CNTNAP5: variants seen among roughly 807,000 people sequenced by gnomAD.
CNTNAP5 encodes contactin-associated protein-like 5.
A neutral mutation model predicts 150.2 loss-of-function variants in CNTNAP5; 72 were observed. The ratio of observed to expected loss-of-function variants is 0.48; its 90% CI spans 0.40 to 0.58. The LOEUF (loss-of-function observed/expected upper bound fraction) is 0.58. CNTNAP5 is among the 20% of genes least tolerant of loss of function. The probability of loss-of-function intolerance (pLI) is 0.00; values close to 1 mark genes in which losing one functional copy is unlikely to be tolerated. For synonymous variants in CNTNAP5, 672 were observed against 619.8 expected (o/e 1.08, Z -1.25); for missense variants, 1,636 against 1,626.2 (o/e 1.01, Z -0.10).
At position 124,216,595 on chromosome 2, in the gene CNTNAP5, T is replaced by C. The variant is rs560112443; in HGVS notation, c.83-5110T>C. ...TGATATTCCCCTTCCTTTGTCCATG[T>C]GTTCTCATTGTTCAATTCCCACCTA... On this transcript the variant is annotated intron_variant, in intron 1 of 23. Coordinates refer to ENST00000682447, the MANE Select transcript of CNTNAP5 (RefSeq NM_001367498.1). Among the ~76,000 whole-genome samples the C allele has an allele frequency of 2.5e-4, 38 of 152,262 alleles. No individual in the cohort carries two copies. The East Asian group carries it at 7.0e-3, about 28-fold the overall frequency.
intron 1 of CNTNAP5, among the ~76,000 whole-genome samples, chr2:124,073,847 A>G (rs1225516824): frequency 1.3e-5 from 2 of 152,188 alleles, no homozygotes; most frequent in East Asian, 3.9e-4. Flanking sequence ...TATATACTCA[A>G]AAGAAAGGAA....
In CNTNAP5 at chr2:124,057,448, ATTTT is replaced by A. The variant is rs556571236; in HGVS notation, c.82+31736_82+31739del. 4.8e-4 allele frequency among the ~76,000 whole-genome samples: 30 copies of A among 62,786 alleles called. 2 individuals carry two copies. The South Asian group carries it at 5.2e-3, about 11-fold the overall frequency. 41.2% of individuals were successfully genotyped at this position (62,786 alleles called of 152,430 possible). A position where few individuals can be genotyped will look rare whatever the true frequency, so the allele number is the denominator to read the frequency against. On this transcript the variant is annotated intron_variant, in intron 1 of 23. Transcript: ENST00000682447. ...AGGCACCCACCAGCACGGCCAGCTA[ATTTT>A]TTTTTTTTTTTTTTTTTTTAGTAGA...
intron 1 of CNTNAP5, among the ~76,000 whole-genome samples, chr2:124,155,261 C>T (rs1161613173): frequency 6.6e-6 from 1 of 151,936 alleles, no homozygotes; most frequent in African/African-American, 2.4e-5. Context: ...GCAATAATGC[C>T]CTAACTTGAC....
At position 124,142,553 on chromosome 2, in the gene CNTNAP5, G is replaced by A. The variant is rs1157220168; in HGVS notation, c.83-79152G>A. 2.6e-3 allele frequency among the ~76,000 whole-genome samples: 364 copies of A among 137,378 alleles called. 2 individuals are homozygous for A. The highest frequency in any genetic ancestry group is 9.7e-3 in the African/African-American group (349 of 35,834). The allele number at this position is 137,378 out of a possible 152,430, so 90.1% of individuals were successfully genotyped here. On this transcript the variant is annotated intron_variant, in intron 1 of 23. Transcript: ENST00000682447. ...CCTGAATGACTACTGGATACATAAC[G>A]AAATGAAGGCAGAAATAAAGATGTT...
chr2:124,097,216 G>A (rs1489900793), intron 1 of CNTNAP5, among the ~76,000 whole-genome samples: 1 of 152,092 alleles, frequency 6.6e-6, no homozygotes, highest in African/African-American at 2.4e-5. Context: ...AAAGGTAGAG[G>A]TTACCTGATG....
chr2:124,687,338 C>T (rs1372931247), intron 13 of CNTNAP5, among the ~76,000 whole-genome samples: 1 of 151,930 alleles, frequency 6.6e-6, no homozygotes, highest in Non-Finnish European at 1.5e-5. Flanking sequence ...TTAACAACCA[C>T]CCAATTTATC....
chr2:124,736,029 G>A (rs1468169293), intron 13 of CNTNAP5, among the ~76,000 whole-genome samples: 10 of 152,108 alleles, frequency 6.6e-5, no homozygotes, highest in African/African-American at 2.4e-4. Context: ...TCAGGAGTTC[G>A]ATACCACCCT....
chr2:124,104,437 T>C (rs1037080788), intron 1 of CNTNAP5, among the ~76,000 whole-genome samples: 2 of 152,200 alleles, frequency 1.3e-5, no homozygotes, highest in Non-Finnish European at 2.9e-5. Context: ...ATTAGATAGA[T>C]AGAGCAGTGA....
chr2:124,049,581 T>C (rs556722526), intron 1 of CNTNAP5, among the ~76,000 whole-genome samples: 1 of 152,328 alleles, frequency 6.6e-6, no homozygotes, highest in East Asian at 1.9e-4. Context: ...TCAATGCATC[T>C]GAATTTAAAC....
At chr2:124,750,851 G>A (rs1182952418) in intron 14 of CNTNAP5, among the ~76,000 whole-genome samples, 1 of 151,904 alleles carries the variant, frequency 6.6e-6, no homozygotes, top group Non-Finnish European at 1.5e-5. Flanking sequence ...GGGCATGGTG[G>A]TGCGTGCCTG....
rs117769731 is a variant in CNTNAP5 at position 124,130,251 on chromosome 2, T to A, written c.83-91454T>A. On this transcript the variant is annotated intron_variant, in intron 1 of 23. Transcript: ENST00000682447. ...ATTTAGTTGGCTTCAAAGTACTAAC[T>A]CTGATATGAGTGAACAGGAGAAGGA... is the stretch of plus-strand genomic sequence containing the variant. 2.5e-3 allele frequency among the ~76,000 whole-genome samples: 383 copies of A among 152,112 alleles called. 6 individuals carry two copies. The South Asian group carries it at 0.03, about 12-fold the overall frequency.
chr2:124,394,302 G>A (rs1691191965), intron 3 of CNTNAP5, among the ~76,000 whole-genome samples: 1 of 148,030 alleles, frequency 6.8e-6, no homozygotes, highest in Non-Finnish European at 1.5e-5. Context: ...AACCCAGGAA[G>A]CAGAACTTTC....
intron 11 of CNTNAP5, among the ~76,000 whole-genome samples, chr2:124,589,952 T>C (rs6759754): frequency 0.045 from 6,917 of 152,194 alleles, 420 homozygotes; most frequent in African/African-American, 0.14. Flanking sequence ...GTGGGACCTT[T>C]AAGAGGTGAT....
chr2:124,590,326 A>G (rs1235956933), intron 11 of CNTNAP5, among the ~76,000 whole-genome samples: 1 of 152,102 alleles, frequency 6.6e-6, no homozygotes, highest in Non-Finnish European at 1.5e-5. Context: ...TTCCATCTCT[A>G]CCAATCTCCT....
chr2:124,342,684 C>T (rs1689646966), intron 3 of CNTNAP5, among the ~76,000 whole-genome samples: 1 of 151,932 alleles, frequency 6.6e-6, no homozygotes, highest in African/African-American at 2.4e-5. Context: ...AGGGATCAAT[C>T]AGGGAGAAAA....
At chr2:124,842,036 G>A (rs886717303) in intron 19 of CNTNAP5, among the ~76,000 whole-genome samples, 3 of 152,094 alleles carry the variant, frequency 2.0e-5, no homozygotes, top group Admixed American at 6.6e-5. Flanking sequence ...ATGCTCAAAA[G>A]CATCTATATT....
intron 7 of CNTNAP5, among the ~76,000 whole-genome samples, chr2:124,476,490 G>A (rs977311156): frequency 6.6e-6 from 1 of 152,078 alleles, no homozygotes; most frequent in African/African-American, 2.4e-5. Context: ...GGAATGTGAT[G>A]AAAGTCCTGA....
intron 19 of CNTNAP5, among the ~76,000 whole-genome samples, chr2:124,820,318 G>A (rs1399149131): frequency 6.6e-6 from 1 of 151,878 alleles, no homozygotes; most frequent in Non-Finnish European, 1.5e-5. Flanking sequence ...CAGTACTACT[G>A]GCCCATTCTA....
intron 14 of CNTNAP5, among the ~76,000 whole-genome samples, chr2:124,751,899 C>T (rs1356208851): frequency 6.6e-6 from 1 of 152,138 alleles, no homozygotes; most frequent in East Asian, 1.9e-4. Context: ...CTCAATAACT[C>T]TTGAGGTTGG....
Sources: allele counts gnomAD v4.1 joint callset (sites outside exome capture counted in the v4.1 genomes callset), GRCh38; gene constraint gnomAD v4.1.1; transcripts MANE v1.5; gene names NCBI Gene and HGNC (gene_info 2026-07-23, HGNC 2026-07-21).